Variants in IGSF5 observed in about 807,000 individuals in gnomAD.
IGSF5 encodes immunoglobulin superfamily member 5.
In IGSF5, 41 loss-of-function variants were observed where a neutral mutation model predicts 39.4. The ratio of observed to expected loss-of-function variants is 1.04; its 90% CI spans 0.81 to 1.35. The LOEUF is 1.35. Among genes scored for constraint, IGSF5 ranks in the 40% most tolerant of loss-of-function variants. The pLI, the probability that IGSF5 is intolerant of heterozygous loss-of-function variation, is 0.00. For missense variants in IGSF5, 487 were observed against 494.6 expected, an observed-to-expected ratio of 0.98 and a Z score of 0.15; for synonymous variants, 183 against 175.3, an observed-to-expected ratio of 1.04 and a Z score of -0.34.
intron 1 of IGSF5, 101 bp downstream of exon 1, chr21:39,745,627 C>G: frequency 3.0e-6 from 2 of 677,122 alleles, no homozygotes; most frequent in East Asian, 5.4e-5. Context: ...CTTTCTGCCT[C>G]TAGTTGGCCC....
At chr21:39,747,526 G>T (rs1425770995) in intron 2 of IGSF5, among the ~76,000 whole-genome samples, 1 of 152,198 alleles carries the variant, frequency 6.6e-6, no homozygotes, top group Admixed American at 6.5e-5. Flanking sequence ...TAGCAGAACT[G>T]TTTAATGAAT....
At chr21:39,719,013 A>G in the IGSF5 span, among the ~76,000 whole-genome samples, 1 of 151,928 alleles carries the variant, frequency 6.6e-6, no homozygotes, top group African/African-American at 2.4e-5. Flanking sequence ...TTTATTACTG[A>G]TTCAGTTTTG....
the IGSF5 span, among the ~76,000 whole-genome samples, chr21:39,720,955 C>T: frequency 1.3e-5 from 2 of 152,260 alleles, no homozygotes; most frequent in East Asian, 3.9e-4. Flanking sequence ...ACCACAGCCA[C>T]CCAAAGAGAA....
intron 8 of IGSF5, among the ~76,000 whole-genome samples, chr21:39,797,891 C>A (rs934462709): frequency 2.0e-5 from 3 of 152,188 alleles, no homozygotes; most frequent in Non-Finnish European, 2.9e-5. Context: ...GATGAATATA[C>A]AACCTAAAAA....
chr21:39,726,315 A>T, the IGSF5 span, among the ~76,000 whole-genome samples: 3 of 152,200 alleles, frequency 2.0e-5, no homozygotes, highest in African/African-American at 7.2e-5. Context: ...AATTAGATGG[A>T]GACCTCTAGT....
chr21:39,724,098 A>G, the IGSF5 span, among the ~76,000 whole-genome samples: 20 of 136,786 alleles, frequency 1.5e-4, no homozygotes, highest in African/African-American at 2.9e-4. Flanking sequence ...AAAATAAAAT[A>G]AAATAAAATA....
At chr21:39,759,065 T>G (rs2080047537) in intron 2 of IGSF5, among the ~76,000 whole-genome samples, 1 of 140,394 alleles carries the variant, frequency 7.1e-6, no homozygotes, top group African/African-American at 2.7e-5. Flanking sequence ...TGTGTAGACA[T>G]GTTTTGCTTG....
intron 7 of IGSF5, 33 bp downstream of exon 7, chr21:39,792,132 G>A: frequency 6.9e-7 from 1 of 1,442,880 alleles, no homozygotes. Flanking sequence ...GAAAAGACCT[G>A]GGAAAGAGAG....
At chr21:39,713,266 G>A in the IGSF5 span, among the ~76,000 whole-genome samples, 12 of 152,176 alleles carry the variant, frequency 7.9e-5, no homozygotes, top group African/African-American at 2.7e-4. Context: ...ACTTACAAGT[G>A]CCTTCTGGCC....
At chr21:39,724,894 C>A in the IGSF5 span, among the ~76,000 whole-genome samples, 1 of 152,190 alleles carries the variant, frequency 6.6e-6, no homozygotes, top group Non-Finnish European at 1.5e-5. Flanking sequence ...AGAGTAACGC[C>A]TTACATGCAT....
At chr21:39,746,500 T>A (rs412661) in intron 2 of IGSF5, among the ~76,000 whole-genome samples, 124,678 of 152,232 alleles carry the variant, frequency 0.82, 51,225 homozygotes, top group Admixed American at 0.86. Flanking sequence ...CCAAAATGGC[T>A]TATTTTGGGG....
At chr21:39,793,426 C>T (rs749212662) in intron 7 of IGSF5, 108 bp from the exon 8 acceptor site, 7 of 763,472 alleles carry the variant, frequency 9.2e-6, no homozygotes, top group Non-Finnish European at 1.6e-5. Flanking sequence ...AGGATTATGC[C>T]AGCGGTACTA....
chr21:39,747,555 G>A (rs1436923882), intron 2 of IGSF5, among the ~76,000 whole-genome samples: 2 of 152,170 alleles, frequency 1.3e-5, no homozygotes, highest in African/African-American at 2.4e-5. Context: ...TAGGAATGAC[G>A]GGAGTTACCT....
At chr21:39,750,911 C>T (rs114403163) in intron 2 of IGSF5, among the ~76,000 whole-genome samples, 212 of 152,252 alleles carry the variant, frequency 1.4e-3, no homozygotes, top group African/African-American at 4.4e-3. Context: ...AGGACCAGGG[C>T]GGGAGCTGAG....
intron 4 of IGSF5, among the ~76,000 whole-genome samples, chr21:39,771,903 G>C (rs1464761877): frequency 6.6e-6 from 1 of 152,164 alleles, no homozygotes; most frequent in Admixed American, 6.5e-5. Flanking sequence ...TTACAAAAAA[G>C]GAAGTGAGGC....
Position 39,779,233 on chromosome 21 carries a change from T to C in IGSF5, c.862T>C (p.Cys288Arg), listed in dbSNP as rs763614592. ...GACGTGTACTCTTACAATACGCTGC[T>C]GCTGCTGCCGCCGTCGTTGTTGTGG... Reference protein sequence around the residue: ...TPTCTLTIRCCCCRRRCCGCN... With the variant: ...TPTCTLTIRCRCCRRRCCGCN... Residue 288 changes from cysteine to arginine, a missense_variant, in exon 5 of 9, where the codon TGC becomes CGC. Physicochemically the swap from Cys to Arg is radical, Grantham distance 180. Coordinates refer to ENST00000380588, the MANE Select transcript of IGSF5 (RefSeq NM_001080444.2). 2 of 1,613,934 alleles carry C rather than the reference T, an allele frequency of 1.2e-6. No homozygotes were observed. The highest frequency in any genetic ancestry group is 1.7e-6 in the Non-Finnish European group (2 of 1,179,880).
the IGSF5 span, among the ~76,000 whole-genome samples, chr21:39,728,747 T>C: frequency 6.6e-6 from 1 of 152,230 alleles, no homozygotes; most frequent in Non-Finnish European, 1.5e-5. Context: ...AATGAGACTT[T>C]AGTTTTTGAA....
At chr21:39,725,815 A>G in the IGSF5 span, 2 of 152,192 alleles carry the variant, frequency 1.3e-5, no homozygotes, top group Non-Finnish European at 2.9e-5. Context: ...GTGTGCAATT[A>G]ACAGCCGTTA....
At chr21:39,753,265 A>AT (rs375174325) in intron 2 of IGSF5, among the ~76,000 whole-genome samples, 6 of 151,930 alleles carry the variant, frequency 3.9e-5, no homozygotes, top group South Asian at 2.1e-4. Context: ...TCCTCAATTT[A>AT]TTTTTTTTGT....
Sources: gnomAD v4.1 joint callset for allele counts (sites outside exome capture counted in the v4.1 genomes callset) on GRCh38, gnomAD v4.1.1 for gene constraint, MANE v1.5 for transcripts, NCBI Gene and HGNC (gene_info 2026-07-23, HGNC 2026-07-21) for gene names.